Variants in ARID1B observed in about 807,000 individuals in gnomAD.
ARID1B encodes AT-rich interactive domain-containing protein 1B.
A neutral mutation model predicts 212.3 loss-of-function variants in ARID1B; 30 were observed. That is an observed-to-expected ratio of 0.14 (90% CI 0.11 to 0.19). The LOEUF (loss-of-function observed/expected upper bound fraction) is 0.19. Ranked by LOEUF, ARID1B falls within the 10% of genes least tolerant of loss-of-function variation. The pLI is 1.00. For synonymous variants in ARID1B, 1,402 were observed against 1,301.7 expected (o/e 1.08, Z -1.66); for missense variants, 2,891 against 3,204.0 (o/e 0.90, Z 2.36).
intron 4 of ARID1B, among the ~76,000 whole-genome samples, chr6:156,969,176 T>G (rs910776713): frequency 6.6e-6 from 1 of 152,226 alleles, no homozygotes; most frequent in Non-Finnish European, 1.5e-5. Context: ...ATTTATAAAT[T>G]ATTACCTCAG....
At chr6:156,781,021 A>G (rs983929782) in intron 1 of ARID1B, among the ~76,000 whole-genome samples, 2 of 152,194 alleles carry the variant, frequency 1.3e-5, no homozygotes, top group African/African-American at 2.4e-5. Context: ...AGGCAGCAAT[A>G]TATTTTGGTG....
intron 3 of ARID1B, among the ~76,000 whole-genome samples, chr6:156,915,483 G>A (rs955697733): frequency 6.6e-6 from 1 of 151,922 alleles, no homozygotes; most frequent in African/African-American, 2.4e-5. Context: ...GAGGAGAATC[G>A]CTTGAACCCA....
chr6:156,984,064 G>GAA (rs1421442148), intron 4 of ARID1B, among the ~76,000 whole-genome samples: 1 of 152,088 alleles, frequency 6.6e-6, no homozygotes, highest in Non-Finnish European at 1.5e-5. Context: ...TTGGGATCAG[G>GAA]AAGTTGGGAA....
At chr6:156,802,917 TTTA>T (rs1281304962) in intron 1 of ARID1B, among the ~76,000 whole-genome samples, 2 of 152,312 alleles carry the variant, frequency 1.3e-5, no homozygotes, top group East Asian at 1.9e-4. Flanking sequence ...GTTTCACAGT[TTTA>T]TTATAACTAC....
At chr6:157,020,388 G>C (rs920459365) in intron 4 of ARID1B, among the ~76,000 whole-genome samples, 1 of 152,142 alleles carries the variant, frequency 6.6e-6, no homozygotes, top group Non-Finnish European at 1.5e-5. Context: ...TCCATGGGCA[G>C]ATCTTTTTAT....
chr6:156,825,298 A>G (rs1205421337), intron 1 of ARID1B, among the ~76,000 whole-genome samples: 5 of 152,246 alleles, frequency 3.3e-5, no homozygotes, highest in African/African-American at 4.8e-5. Context: ...ATAATAGACC[A>G]TAAGGAGAAG....
rs1347187232 is a variant in ARID1B, at chr6:156,778,389, A to T, written c.709A>T (p.Met237Leu). The change falls in exon 1 of 20, where the codon ATG becomes TTG. Residue 237 changes from methionine to leucine, a missense_variant. Met to Leu is a conservative substitution (Grantham distance 15). Around this residue, in one of 7 missense-constraint regions of ARID1B, gnomAD observed 1,643 missense variants for 1,544.0 expected, o/e 1.06. Transcript: ENST00000636930. ...GGGAPQPGPDMEQPQHGGAKD... is the reference protein window; with the variant it reads ...GGGAPQPGPDLEQPQHGGAKD... The stretch of plus-strand genomic sequence containing the variant: ...CGGCGCGCCTCAGCCCGGCCCCGAC[A>T]TGGAGCAGCCGCAACATGGAGGCGC... The T allele has an allele frequency of 3.5e-5, 53 of 1,533,372 alleles. No individual in the cohort carries two copies. The highest frequency in any genetic ancestry group is 4.4e-5 in the Non-Finnish European group (50 of 1,144,696). 95.0% of individuals were successfully genotyped at this position (1,533,372 alleles called of 1,614,324 possible).
intron 4 of ARID1B, among the ~76,000 whole-genome samples, chr6:156,967,447 T>C (rs1244197199): frequency 2.0e-5 from 3 of 152,210 alleles, no homozygotes; most frequent in Non-Finnish European, 4.4e-5. Context: ...AATTTGGAAA[T>C]GGGTTTTTTT....
chr6:156,815,303 GTTA>G (rs1781887260), intron 1 of ARID1B, among the ~76,000 whole-genome samples: 1 of 152,112 alleles, frequency 6.6e-6, no homozygotes, highest in African/African-American at 2.4e-5. Context: ...ATACATTCTA[GTTA>G]TTATTTTAAG....
chr6:156,826,381 TCTG>T (rs1782742087), intron 1 of ARID1B, among the ~76,000 whole-genome samples: 1 of 152,254 alleles, frequency 6.6e-6, no homozygotes, highest in East Asian at 1.9e-4. Flanking sequence ...CTTCAGGACA[TCTG>T]CTGTGTTGCA....
At chr6:156,795,264 A>G (rs1383378984) in intron 1 of ARID1B, among the ~76,000 whole-genome samples, 1 of 152,100 alleles carries the variant, frequency 6.6e-6, no homozygotes, top group Non-Finnish European at 1.5e-5. Context: ...CACAGACTGG[A>G]CGGTGTCTCA....
chr6:157,197,451 C>T (rs201744568), intron 16 of ARID1B, among the ~76,000 whole-genome samples: 69 of 152,344 alleles, frequency 4.5e-4, no homozygotes, highest in East Asian at 4.0e-3. Flanking sequence ...TGAAAAATCA[C>T]GGCTTTACCA....
At chr6:157,026,026 G>A (rs1780638519) in intron 4 of ARID1B, among the ~76,000 whole-genome samples, 1 of 152,084 alleles carries the variant, frequency 6.6e-6, no homozygotes, top group African/African-American at 2.4e-5. Flanking sequence ...GTGAGTTCAA[G>A]AGATTGTCCT....
chr6:157,071,532 A>G (rs1323608967), intron 4 of ARID1B: 1 of 152,230 alleles, frequency 6.6e-6, no homozygotes, highest in Non-Finnish European at 1.5e-5. Context: ...AACAAAACAA[A>G]CAAACATTAA....
intron 2 of ARID1B, among the ~76,000 whole-genome samples, chr6:156,854,448 G>T (rs1046154329): frequency 6.6e-6 from 1 of 152,202 alleles, no homozygotes; most frequent in Non-Finnish European, 1.5e-5. Context: ...GCAGGGGTAG[G>T]GGCTTGTCCT....
At chr6:156,922,340 T>G (rs1371419267) in intron 3 of ARID1B, among the ~76,000 whole-genome samples, 3 of 151,862 alleles carry the variant, frequency 2.0e-5, no homozygotes, top group Admixed American at 2.0e-4. Context: ...GCCCAGCTAT[T>G]TTTTGTATTT....
intron 2 of ARID1B, among the ~76,000 whole-genome samples, chr6:156,861,991 G>C (rs367918816): frequency 1.3e-5 from 2 of 152,200 alleles, no homozygotes; most frequent in Admixed American, 1.3e-4. Context: ...AGTGTGCAGC[G>C]TGGGCATCCA....
intron 2 of ARID1B, among the ~76,000 whole-genome samples, chr6:156,847,488 A>G (rs541866526): frequency 6.6e-6 from 1 of 152,340 alleles, no homozygotes; most frequent in African/African-American, 2.4e-5. Context: ...CCCACCATCC[A>G]GAGGCAAAAT....
At chr6:156,826,765 A>G (rs952794240) in intron 1 of ARID1B, among the ~76,000 whole-genome samples, 7 of 151,680 alleles carry the variant, frequency 4.6e-5, no homozygotes, top group African/African-American at 1.7e-4. Flanking sequence ...AGAAGCCTTT[A>G]CCCTTCACCT....
Sources: allele counts gnomAD v4.1 joint callset (sites outside exome capture counted in the v4.1 genomes callset), GRCh38; gene constraint gnomAD v4.1.1; regional missense constraint gnomAD v4.1.1; transcripts MANE v1.5; gene names NCBI Gene and HGNC (gene_info 2026-07-23, HGNC 2026-07-21).